The following GPR137B variants were observed in gnomAD, a reference collection of about 807,000 sequenced individuals.
GPR137B encodes integral membrane protein GPR137B.
GPR137B carries 42 observed loss-of-function variants against 42.5 expected under a neutral mutation model. The observed-to-expected ratio is 0.99, with a 90% CI of 0.77 to 1.28. The LOEUF is 1.28. Among genes scored for constraint, GPR137B ranks in the 50% most tolerant of loss-of-function variants. The probability of loss-of-function intolerance (pLI) is 0.00; values close to 1 mark genes in which losing one functional copy is unlikely to be tolerated. For synonymous variants in GPR137B, 218 were observed against 209.7 expected (o/e 1.04, Z -0.34); for missense variants, 487 against 493.9 (o/e 0.99, Z 0.13).
chr1:236,149,710 G>A (rs1003182992), intron 1 of GPR137B, among the ~76,000 whole-genome samples: 2 of 152,262 alleles, frequency 1.3e-5, no homozygotes, highest in Non-Finnish European at 1.5e-5. Context: ...AACAGACAAG[G>A]CGGGCCAAGG....
intron 1 of GPR137B, among the ~76,000 whole-genome samples, chr1:236,159,786 C>T (rs1662136429): frequency 3.9e-5 from 6 of 152,192 alleles, no homozygotes; most frequent in Admixed American, 3.9e-4. Context: ...GAGCTCTAGG[C>T]CTTCCTGTGT....
intron 5 of GPR137B, among the ~76,000 whole-genome samples, chr1:236,192,674 C>T (rs931027336): frequency 5.9e-5 from 9 of 152,050 alleles, no homozygotes; most frequent in African/African-American, 1.9e-4. Flanking sequence ...CTGCACCCAC[C>T]GTCCAAGCAG....
At chr1:236,207,653 C>T (rs1191434464) in intron 6 of GPR137B, among the ~76,000 whole-genome samples, 3 of 152,194 alleles carry the variant, frequency 2.0e-5, no homozygotes, top group South Asian at 2.1e-4. Flanking sequence ...AATAGGCCCA[C>T]GACGTAGTTA....
chr1:236,185,439 T>C (rs1662993614), intron 5 of GPR137B, among the ~76,000 whole-genome samples: 1 of 152,210 alleles, frequency 6.6e-6, no homozygotes, highest in Admixed American at 6.5e-5. Flanking sequence ...GGTGTAAAGA[T>C]TCTTAGGTCA....
chr1:236,166,482 A>ATTTATATATACATATATATATT (rs1662357365), intron 1 of GPR137B, among the ~76,000 whole-genome samples: 1 of 128,952 alleles, frequency 7.8e-6, no homozygotes, highest in Non-Finnish European at 1.5e-5. Flanking sequence ...CATTATATAT[A>ATTTATATATACATATATATATT]TTTATATATA....
intron 6 of GPR137B, among the ~76,000 whole-genome samples, chr1:236,205,742 C>T (rs1158922181): frequency 3.9e-5 from 6 of 152,098 alleles, no homozygotes; most frequent in East Asian, 1.9e-4. Flanking sequence ...GGTTTTGCCA[C>T]GTTGGCCAGG....
chr1:236,142,617 G>C lies in GPR137B; in HGVS notation c.-6G>C. 1 of 1,374,488 alleles carries C rather than the reference G, an allele frequency of 7.3e-7. No homozygotes were observed. The highest frequency in any genetic ancestry group is 9.3e-7 in the Non-Finnish European group (1 of 1,072,952). The allele number at this position is 1,374,488 out of a possible 1,614,324, so 85.1% of individuals were successfully genotyped here. A position where few individuals can be genotyped will look rare whatever the true frequency, so the allele number is the denominator to read the frequency against. ...CCCGCGGGGGCGGCGGCGGCCGTGA[G>C]CCCCGATGAGGCCCGAGCGTCCCCG... On this transcript the variant is annotated 5_prime_UTR_variant, in exon 1 of 7. Transcript: ENST00000366592.
rs1432182793 is a variant in GPR137B at position 236,195,253 on chromosome 1, C to CT, written c.967-9872dup. On this transcript the variant is annotated intron_variant, in intron 5 of 6. Transcript: ENST00000366592. ...TTTTTTTTTCCCCATTAACCATACTCTCCCCCCGCCACTACCCTTCCCAGC... is the reference window on the plus strand; with the variant it reads ...TTTTTTTTTCCCCATTAACCATACTCTTCCCCCCGCCACTACCCTTCCCAGC... Among the ~76,000 whole-genome samples, 11 of 150,944 alleles carry CT rather than the reference C, an allele frequency of 7.3e-5. No individual in the cohort carries two copies. In the South Asian group the frequency reaches 2.1e-3, roughly 29 times the overall value.
In GPR137B at chr1:236,208,604, C is replaced by G; in HGVS notation, c.*446C>G. On this transcript the variant is annotated 3_prime_UTR_variant, in exon 7 of 7. Coordinates refer to ENST00000366592, the MANE Select transcript of GPR137B (RefSeq NM_003272.4). ...TTCCACAAATCTTACCTCTTTAGGT[C>G]ACTGATGGTCACTCCGATTCTGAGT... 3.1e-6 allele frequency: 3 copies of G among 982,148 alleles called. No individual in the cohort carries two copies. The highest frequency in any genetic ancestry group is 3.6e-6 in the Non-Finnish European group (3 of 826,396). The allele number at this position is 982,148 out of a possible 1,614,324, so 60.8% of individuals were successfully genotyped here. A position where few individuals can be genotyped will look rare whatever the true frequency, so the allele number is the denominator to read the frequency against.
At chr1:236,160,007 C>A (rs1392819792) in intron 1 of GPR137B, among the ~76,000 whole-genome samples, 1 of 152,176 alleles carries the variant, frequency 6.6e-6, no homozygotes, top group South Asian at 2.1e-4. Flanking sequence ...CCAGCATCAC[C>A]CACAGCGTCA....
At chr1:236,204,256 C>T (rs1663583339) in intron 5 of GPR137B, among the ~76,000 whole-genome samples, 1 of 152,098 alleles carries the variant, frequency 6.6e-6, no homozygotes, top group Admixed American at 6.6e-5. Flanking sequence ...ATGGATAAAT[C>T]CCACTTAGTC....
chr1:236,176,524 C>G (rs1446532537), intron 2 of GPR137B, among the ~76,000 whole-genome samples: 1 of 152,166 alleles, frequency 6.6e-6, no homozygotes. Context: ...ATCCCACTCT[C>G]TCAGCACGAG....
At chr1:236,193,410 CAT>C (rs1663250529) in intron 5 of GPR137B, among the ~76,000 whole-genome samples, 1 of 152,076 alleles carries the variant, frequency 6.6e-6, no homozygotes. Flanking sequence ...ATTGCTGGGT[CAT>C]ATGGTATTTC....
At chr1:236,167,771 C>T (rs1475648124) in intron 1 of GPR137B, among the ~76,000 whole-genome samples, 1 of 152,154 alleles carries the variant, frequency 6.6e-6, no homozygotes, top group Non-Finnish European at 1.5e-5. Flanking sequence ...TGAGCCTGAG[C>T]CCCTGCTTGA....
intron 5 of GPR137B, among the ~76,000 whole-genome samples, chr1:236,199,968 G>C (rs1285081128): frequency 6.6e-6 from 1 of 151,854 alleles, no homozygotes; most frequent in East Asian, 1.9e-4. Flanking sequence ...TGCTCTTCCA[G>C]ACTTTTTTGA....
intron 5 of GPR137B, among the ~76,000 whole-genome samples, chr1:236,197,293 G>A (rs1324232424): frequency 6.6e-6 from 1 of 152,030 alleles, no homozygotes; most frequent in African/African-American, 2.4e-5. Context: ...TTAGTCCATT[G>A]CTGGATGCAT....
intron 1 of GPR137B, among the ~76,000 whole-genome samples, chr1:236,158,536 A>T (rs1008618260): frequency 2.0e-5 from 3 of 152,224 alleles, no homozygotes; most frequent in Non-Finnish European, 4.4e-5. Context: ...AAATTATTTT[A>T]TAATATAAAG....
intron 5 of GPR137B, among the ~76,000 whole-genome samples, chr1:236,202,867 ATT>A (rs774666230): frequency 2.2e-4 from 34 of 152,136 alleles, no homozygotes; most frequent in Middle Eastern, 3.4e-3. Flanking sequence ...TCTTTAATCC[ATT>A]TTTTTTGATT....
At chr1:236,148,774 G>C (rs1032314982) in intron 1 of GPR137B, among the ~76,000 whole-genome samples, 1 of 152,074 alleles carries the variant, frequency 6.6e-6, no homozygotes, top group Non-Finnish European at 1.5e-5. Flanking sequence ...GCTCATAGTC[G>C]GTGTTGGGAG....
Sources: gnomAD v4.1 joint callset for allele counts (sites outside exome capture counted in the v4.1 genomes callset) on GRCh38, gnomAD v4.1.1 for gene constraint, MANE v1.5 for transcripts, NCBI Gene and HGNC (gene_info 2026-07-23, HGNC 2026-07-21) for gene names.